Variants in XIRP2 observed in about 807,000 individuals in gnomAD.
XIRP2 encodes xin actin binding repeat containing 2, also known as xin actin-binding repeat-containing protein 2.
XIRP2 carries 236 observed loss-of-function variants against 277.0 expected under a neutral mutation model. The ratio of observed to expected loss-of-function variants is 0.85; its 90% confidence interval spans 0.77 to 0.95. XIRP2 has a LOEUF of 0.95. Among genes scored for constraint, XIRP2 ranks in the 40% least tolerant of loss-of-function variants. XIRP2 has a pLI of 0.00. For synonymous variants in XIRP2, 1,490 were observed against 1,416.5 expected, an observed-to-expected ratio of 1.05 and a Z score of -1.17; for missense variants, 4,640 against 4,157.5, an observed-to-expected ratio of 1.12 and a Z score of -3.19.
chr2:166,922,760 GAA>G (rs1007537051), intron 2 of XIRP2, among the ~76,000 whole-genome samples: 1 of 131,290 alleles, frequency 7.6e-6, no homozygotes, highest in Non-Finnish European at 1.7e-5. Context: ...CATCTCAAAA[GAA>G]AAAAAAAAGT....
At chr2:166,958,502 C>A (rs552494537) in intron 2 of XIRP2, among the ~76,000 whole-genome samples, 2 of 151,626 alleles carry the variant, frequency 1.3e-5, no homozygotes, top group African/African-American at 4.8e-5. Flanking sequence ...GCCCTAGTAC[C>A]CACATTCCAA....
chr2:166,988,003 C>T (rs4493277), intron 2 of XIRP2, among the ~76,000 whole-genome samples: 49,113 of 151,990 alleles, frequency 0.32, 8,573 homozygotes, highest in African/African-American at 0.44. Flanking sequence ...ACGAAGCAAA[C>T]TCCAGAGCAA....
intron 2 of XIRP2, among the ~76,000 whole-genome samples, chr2:167,021,729 G>GTGGGAGGAT (rs749376260): frequency 1.2e-4 from 18 of 152,054 alleles, no homozygotes; most frequent in Non-Finnish European, 2.4e-4. Context: ...GGAGGTGGAG[G>GTGGGAGGAT]TGGGAGGATC....
At chr2:167,133,532 C>T (rs1399657086) in intron 2 of XIRP2, among the ~76,000 whole-genome samples, 2 of 152,180 alleles carry the variant, frequency 1.3e-5, no homozygotes, top group Non-Finnish European at 2.9e-5. Flanking sequence ...TCATCACCAG[C>T]TGAAATTTAA....
chr2:167,017,317 G>T (rs1423132797), intron 2 of XIRP2, among the ~76,000 whole-genome samples: 1 of 151,894 alleles, frequency 6.6e-6, no homozygotes, highest in East Asian at 1.9e-4. Flanking sequence ...TTATGTGGTT[G>T]CATAACTAAA....
At chr2:166,923,373 T>A (rs66461830) in intron 2 of XIRP2, among the ~76,000 whole-genome samples, 45,922 of 152,052 alleles carry the variant, frequency 0.3, 7,498 homozygotes, top group East Asian at 0.54. Context: ...TACTGAGTGA[T>A]GCTTTACCAA....
rs1019925994 is a variant in XIRP2 at position 166,933,894 on chromosome 2, G to C, written c.408+30004G>C. On this transcript the variant is annotated intron_variant, in intron 2 of 10. Transcript: ENST00000409195. Reference sequence around the variant, plus strand: ...TATTCTCTGATATTTGCTATTTCTTGTTGTTGACTATTCCAGTGTTGTTTT... The same window carrying C: ...TATTCTCTGATATTTGCTATTTCTTCTTGTTGACTATTCCAGTGTTGTTTT... 2.6e-5 allele frequency among the ~76,000 whole-genome samples: 4 copies of C among 151,988 alleles called. No homozygotes were observed. In the East Asian group the frequency reaches 7.7e-4, roughly 29 times the overall value.
chr2:166,997,335 T>C (rs1333248606), intron 2 of XIRP2, among the ~76,000 whole-genome samples: 1 of 152,224 alleles, frequency 6.6e-6, no homozygotes, highest in Non-Finnish European at 1.5e-5. Context: ...TAATTCTGTA[T>C]TTTTCAAGTC....
At chr2:167,022,899 G>A (rs1448714150) in intron 2 of XIRP2, among the ~76,000 whole-genome samples, 2 of 152,098 alleles carry the variant, frequency 1.3e-5, no homozygotes, top group Non-Finnish European at 2.9e-5. Context: ...ATTGTGAATA[G>A]TGCCGCAATA....
intron 2 of XIRP2, among the ~76,000 whole-genome samples, chr2:167,028,735 G>T (rs994531903): frequency 2.0e-5 from 3 of 151,752 alleles, no homozygotes; most frequent in African/African-American, 7.2e-5. Context: ...CACCAGTGAC[G>T]AAATCAAGAA....
In XIRP2 at chr2:167,172,820, A is replaced by T. The variant is rs1483724188; in HGVS notation, c.562+36758A>T. 2.6e-5 allele frequency among the ~76,000 whole-genome samples: 4 copies of T among 152,308 alleles called. No homozygotes were observed. In the East Asian group the frequency reaches 7.7e-4, roughly 29 times the overall value. On this transcript the variant is annotated intron_variant, in intron 3 of 10. Coordinates refer to ENST00000409195, the MANE Select transcript of XIRP2 (RefSeq NM_152381.6). Reference sequence around the variant, plus strand: ...AATCATCACAGGGTCCTGAGGTGACATTCATCCTCAGCTTACGAAGATGAT... The same window carrying T: ...AATCATCACAGGGTCCTGAGGTGACTTTCATCCTCAGCTTACGAAGATGAT...
At chr2:166,925,911 TA>T (rs1389434282) in intron 2 of XIRP2, among the ~76,000 whole-genome samples, 5 of 151,458 alleles carry the variant, frequency 3.3e-5, no homozygotes, top group African/African-American at 1.2e-4. Flanking sequence ...CTCTACAAAA[TA>T]AAAATTTAAA....
chr2:166,996,805 A>G (rs766841919), intron 2 of XIRP2, among the ~76,000 whole-genome samples: 1 of 152,060 alleles, frequency 6.6e-6, no homozygotes, highest in South Asian at 2.1e-4. Context: ...ACACACACAC[A>G]TAAACTCACC....
intron 2 of XIRP2, among the ~76,000 whole-genome samples, chr2:166,930,504 T>A (rs1685306405): frequency 2.0e-5 from 3 of 152,202 alleles, no homozygotes. Context: ...GGAAGACTCA[T>A]AATAGGTGCT....
intron 2 of XIRP2, among the ~76,000 whole-genome samples, chr2:166,988,512 G>C (rs975759830): frequency 7.4e-6 from 1 of 134,236 alleles, no homozygotes; most frequent in Admixed American, 7.0e-5. Context: ...CAGCGTGAGC[G>C]ACGCAGAAGA....
chr2:167,164,701 T>C (rs1248498458), intron 3 of XIRP2, among the ~76,000 whole-genome samples: 1 of 152,142 alleles, frequency 6.6e-6, no homozygotes, highest in East Asian at 1.9e-4. Flanking sequence ...CTCCAGTATA[T>C]TATCCTTTTA....
intron 2 of XIRP2, among the ~76,000 whole-genome samples, chr2:166,995,028 C>T (rs1487535205): frequency 5.9e-5 from 9 of 151,856 alleles, no homozygotes; most frequent in African/African-American, 9.7e-5. Flanking sequence ...ACTACAGGTG[C>T]GCACCACCTC....
At chr2:167,216,776 T>A (rs1415898490) in intron 4 of XIRP2, among the ~76,000 whole-genome samples, 1 of 96,036 alleles carries the variant, frequency 1.0e-5, no homozygotes, top group Non-Finnish European at 1.8e-5. Context: ...AGCCATCCCA[T>A]TACTGGGTAT....
At chr2:166,986,967 AC>A (rs1364367393) in intron 2 of XIRP2, among the ~76,000 whole-genome samples, 3 of 152,192 alleles carry the variant, frequency 2.0e-5, no homozygotes, top group African/African-American at 7.2e-5. Context: ...AATTTATTTC[AC>A]TTTATTGTCA....
Sources: gnomAD v4.1 joint callset for allele counts (sites outside exome capture counted in the v4.1 genomes callset) on GRCh38, gnomAD v4.1.1 for gene constraint, MANE v1.5 for transcripts, NCBI Gene and HGNC (gene_info 2026-07-23, HGNC 2026-07-21) for gene names.